LDLRAD4: variants seen among roughly 807,000 people sequenced by gnomAD.
LDLRAD4 encodes the protein low-density lipoprotein receptor class A domain-containing protein 4.
Under a neutral mutation model 17.0 loss-of-function variants are expected in LDLRAD4, and 5 were observed. The ratio of observed to expected loss-of-function variants is 0.29; its 90% CI spans 0.15 to 0.62. LDLRAD4 has a LOEUF of 0.62. LDLRAD4 is among the 20% of genes least tolerant of loss of function. LDLRAD4 has a pLI of 0.84. For synonymous variants in LDLRAD4, 168 were observed against 171.8 expected (o/e 0.98, Z 0.17); for missense variants, 340 against 424.7 (o/e 0.80, Z 1.75).
chr18:13,473,666 T>TAC (rs2092848160), intron 3 of LDLRAD4, among the ~76,000 whole-genome samples: 1 of 112,850 alleles, frequency 8.9e-6, no homozygotes, highest in Non-Finnish European at 1.8e-5. Context: ...TATATATATA[T>TAC]ATATATATAT....
intron 1 of LDLRAD4, among the ~76,000 whole-genome samples, chr18:13,333,007 T>C (rs546724454): frequency 6.6e-6 from 1 of 152,352 alleles, no homozygotes; most frequent in South Asian, 2.1e-4. Context: ...TCTTCTGAAG[T>C]GATGGTACCA....
intron 1 of LDLRAD4, chr18:13,241,886 G>A (rs139802495): frequency 2.0e-5 from 3 of 152,382 alleles, no homozygotes; most frequent in African/African-American, 7.2e-5. Context: ...ATCTTTTACT[G>A]TGATTAAAAA....
At chr18:13,458,269 T>C (rs1433746904) in intron 3 of LDLRAD4, among the ~76,000 whole-genome samples, 1 of 152,138 alleles carries the variant, frequency 6.6e-6, no homozygotes, top group African/African-American at 2.4e-5. Flanking sequence ...AAAACAAATT[T>C]AGCAACTAAG....
At chr18:13,597,063 C>G (rs1281334917) in intron 3 of LDLRAD4, among the ~76,000 whole-genome samples, 1 of 152,170 alleles carries the variant, frequency 6.6e-6, no homozygotes, top group African/African-American at 2.4e-5. Context: ...TACTTGCTTT[C>G]AACCTAAAGA....
At chr18:13,372,728 G>T (rs1045659121) in intron 1 of LDLRAD4, among the ~76,000 whole-genome samples, 1 of 152,194 alleles carries the variant, frequency 6.6e-6, no homozygotes, top group Non-Finnish European at 1.5e-5. Flanking sequence ...GTATGGTCCG[G>T]TACTCAGCAC....
chr18:13,495,278 C>A (rs561750853), intron 3 of LDLRAD4, among the ~76,000 whole-genome samples: 7 of 152,104 alleles, frequency 4.6e-5, no homozygotes, highest in African/African-American at 7.2e-5. Flanking sequence ...CCAGGGCCAG[C>A]GAGGCGAATA....
chr18:13,549,122 G>A (rs1188104296), intron 3 of LDLRAD4, among the ~76,000 whole-genome samples: 2 of 152,272 alleles, frequency 1.3e-5, no homozygotes, highest in Middle Eastern at 3.4e-3. Flanking sequence ...GTGGTGTGGG[G>A]GTGGGCTGGT....
At chr18:13,294,676 G>A (rs896305208) in intron 1 of LDLRAD4, among the ~76,000 whole-genome samples, 1 of 152,118 alleles carries the variant, frequency 6.6e-6, no homozygotes, top group Non-Finnish European at 1.5e-5. Flanking sequence ...GGACACAGGC[G>A]GATGAGGAGG....
intron 1 of LDLRAD4, among the ~76,000 whole-genome samples, chr18:13,345,167 G>A (rs541453498): frequency 1.1e-4 from 16 of 152,226 alleles, no homozygotes; most frequent in South Asian, 4.2e-4. Context: ...GCCAGTTTTC[G>A]AAGGGAATGC....
chr18:13,524,287 G>T (rs191877492), intron 3 of LDLRAD4, among the ~76,000 whole-genome samples: 4 of 152,286 alleles, frequency 2.6e-5, no homozygotes, highest in African/African-American at 9.6e-5. Flanking sequence ...CCCTCACTTT[G>T]ATGTGTTATA....
intron 1 of LDLRAD4, among the ~76,000 whole-genome samples, chr18:13,352,996 A>T (rs1304098332): frequency 6.6e-6 from 1 of 152,002 alleles, no homozygotes; most frequent in Non-Finnish European, 1.5e-5. Flanking sequence ...TTTGTTTTTA[A>T]ATCATTTTCC....
chr18:13,263,090 T>G (rs539039694), intron 1 of LDLRAD4, among the ~76,000 whole-genome samples: 1 of 102,124 alleles, frequency 9.8e-6, no homozygotes, highest in South Asian at 3.6e-4. Flanking sequence ...AGTCCCACGC[T>G]GCTCTGTTTG....
At chr18:13,439,647 C>T (rs2090900190) in intron 3 of LDLRAD4, among the ~76,000 whole-genome samples, 1 of 152,190 alleles carries the variant, frequency 6.6e-6, no homozygotes, top group Admixed American at 6.5e-5. Flanking sequence ...GGCCCCTGCT[C>T]CCCCAAGGCC....
intron 3 of LDLRAD4, among the ~76,000 whole-genome samples, chr18:13,517,917 T>C (rs1418981565): frequency 6.6e-6 from 1 of 152,066 alleles, no homozygotes; most frequent in African/African-American, 2.4e-5. Flanking sequence ...TTTTTATATT[T>C]TTGGTAGAGA....
At chr18:13,397,131 A>AT (rs1568097091) in intron 2 of LDLRAD4, among the ~76,000 whole-genome samples, 1 of 151,562 alleles carries the variant, frequency 6.6e-6, no homozygotes, top group Non-Finnish European at 1.5e-5. Context: ...CCTGACTTTT[A>AT]TTTTTTTGTT....
chr18:13,645,324 G>C lies in LDLRAD4; in HGVS notation c.588G>C (p.Gln196His). The C allele has an allele frequency of 1.2e-6, 2 of 1,614,190 alleles. No individual in the cohort carries two copies. Among genetic ancestry groups the C allele is most frequent in the Non-Finnish European group, 1.7e-6 (2 of 1,180,032 alleles). ...CCCTGCAGCTCCGGGACCCTGAACA[G>C]CAGATGGAACTCAACCGAGAGTCCG... Residue 196 changes from glutamine to histidine, a missense_variant, in exon 6 of 6, where the codon CAG (glutamine) becomes CAC (histidine). Coordinates refer to ENST00000359446, the Ensembl canonical transcript of LDLRAD4. The surrounding 1 kb of genome is among the most constrained non-coding windows in gnomAD (Gnocchi z 5.7).
At chr18:13,615,409 T>C (rs2039983852) in intron 3 of LDLRAD4, 2 of 152,206 alleles carry the variant, frequency 1.3e-5, no homozygotes, top group South Asian at 4.1e-4. Flanking sequence ...AAGATGGTGT[T>C]AACCATCCCA....
At chr18:13,620,990 T>A in intron 3 of LDLRAD4, 127 bp from the exon 5 acceptor site, 1 of 1,304,452 alleles carries the variant, frequency 7.7e-7, no homozygotes, top group Non-Finnish European at 1.1e-6. Flanking sequence ...TGTGTCCTGC[T>A]GGCCTCTGAG....
chr18:13,260,168 A>G (rs2043736546), intron 1 of LDLRAD4, among the ~76,000 whole-genome samples: 1 of 152,240 alleles, frequency 6.6e-6, no homozygotes, highest in Non-Finnish European at 1.5e-5. Context: ...GCACACTGTA[A>G]CTTCTATTGG....
Sources: gnomAD v4.1 joint callset for allele counts (sites outside exome capture counted in the v4.1 genomes callset) on GRCh38, gnomAD v4.1.1 for gene constraint, Gnocchi (gnomAD v3.1) non-coding constraint, MANE v1.5 for transcripts, NCBI Gene and HGNC (gene_info 2026-07-23, HGNC 2026-07-21) for gene names.